The following SUPT16H variants were observed in gnomAD, a reference collection of about 807,000 sequenced individuals.
SUPT16H encodes the protein FACT complex subunit SPT16.
SUPT16H carries 24 observed loss-of-function variants against 136.2 expected under a neutral mutation model. The ratio of observed to expected loss-of-function variants is 0.18; its 90% CI spans 0.13 to 0.25. SUPT16H has a LOEUF of 0.25. Ranked by LOEUF, SUPT16H falls within the 10% of genes least tolerant of loss-of-function variation. The pLI is 1.00. For missense variants in SUPT16H, 623 were observed against 1,270.2 expected (o/e 0.49, Z 7.74); for synonymous variants, 415 against 428.2 (o/e 0.97, Z 0.38).
At chr14:21,355,266 A>G (rs576889149) in intron 22 of SUPT16H, among the ~76,000 whole-genome samples, 58 of 152,214 alleles carry the variant, frequency 3.8e-4, no homozygotes, top group South Asian at 1.0e-3. Flanking sequence ...AGGCCAAGGC[A>G]GGCGGATCAC....
chr14:21,359,478 A>G lies in SUPT16H; in HGVS notation c.2301+6T>C. The G allele has an allele frequency of 6.2e-7, 1 of 1,612,108 alleles. No individual in the cohort carries two copies. The highest frequency in any genetic ancestry group is 8.5e-7 in the Non-Finnish European group (1 of 1,179,636). On this transcript the variant is annotated splice_donor_region_variant and intron_variant, in intron 19 of 25. Coordinates refer to ENST00000216297, the MANE Select transcript of SUPT16H (RefSeq NM_007192.4). The stretch of plus-strand genomic sequence containing the variant: ...TCCTGCAAATACAATACTAAATTTC[A>G]CAAACCTGCTCAGCATAGAGGTCAT...
At chr14:21,355,290 C>G (rs1328192668) in intron 22 of SUPT16H, among the ~76,000 whole-genome samples, 2 of 151,932 alleles carry the variant, frequency 1.3e-5, no homozygotes, top group African/African-American at 2.4e-5. Flanking sequence ...GTCAGGAGAT[C>G]GAGACCATCT....
chr14:21,359,652 A>G (rs1886508930), intron 18 of SUPT16H, 43 bp from the exon 19 acceptor site: 1 of 1,599,102 alleles, frequency 6.3e-7, no homozygotes, highest in Admixed American at 1.7e-5. Context: ...CAGAAACACA[A>G]AGGTATCTGT....
At chr14:21,379,965 G>A (rs1886987063) in intron 1 of SUPT16H, among the ~76,000 whole-genome samples, 1 of 152,164 alleles carries the variant, frequency 6.6e-6, no homozygotes, top group Non-Finnish European at 1.5e-5. Flanking sequence ...AGAGCTGAGT[G>A]TGAGTGGAAG....
At chr14:21,359,207 C>A (rs1263660926) in intron 19 of SUPT16H, among the ~76,000 whole-genome samples, 1 of 152,168 alleles carries the variant, frequency 6.6e-6, no homozygotes, top group Admixed American at 6.5e-5. Flanking sequence ...AAGTGATTAT[C>A]CTGCCTTAGC....
At chr14:21,373,278 G>A (rs1227724158) in intron 2 of SUPT16H, 60 bp downstream of exon 2, 2 of 1,305,768 alleles carry the variant, frequency 1.5e-6, no homozygotes, top group African/African-American at 1.5e-5. Flanking sequence ...CTACCATACT[G>A]AACAGTGCAG....
chr14:21,382,493 G>C lies in SUPT16H; in HGVS notation c.66+1369C>G, dbSNP rs991765859. 3.9e-5 allele frequency among the ~76,000 whole-genome samples: 6 copies of C among 152,290 alleles called. No individual in the cohort carries two copies. In the South Asian group the frequency reaches 6.2e-4, roughly 16 times the overall value. ...GATTAGTTTTCATGAATGGTATAGA[G>C]AGAATGAAATTATTTGATGAATCTG... On this transcript the variant is annotated intron_variant, in intron 1 of 25. Coordinates refer to ENST00000216297, the MANE Select transcript of SUPT16H (RefSeq NM_007192.4).
At chr14:21,362,662 G>C in intron 14 of SUPT16H, 132 bp downstream of exon 14, 1 of 1,041,808 alleles carries the variant, frequency 9.6e-7, no homozygotes, top group Non-Finnish European at 1.4e-6. Flanking sequence ...AGACAAGAGG[G>C]ATGTCAGTAA....
At chr14:21,368,762 T>G (rs965756969) in intron 6 of SUPT16H, among the ~76,000 whole-genome samples, 1 of 152,220 alleles carries the variant, frequency 6.6e-6, no homozygotes, top group African/African-American at 2.4e-5. Flanking sequence ...ACTTATCCAT[T>G]AGTCCTCTAT....
At chr14:21,361,034 T>A (rs374453380) in intron 16 of SUPT16H, 44 bp downstream of exon 16, 1 of 1,610,792 alleles carries the variant, frequency 6.2e-7, no homozygotes, top group South Asian at 1.1e-5. Flanking sequence ...AAAAAATACA[T>A]GTCCTTCTTT....
chr14:21,371,736 C>G, intron 3 of SUPT16H, 138 bp downstream of exon 3: 1 of 943,974 alleles, frequency 1.1e-6, no homozygotes, highest in Middle Eastern at 3.4e-4. Context: ...ACAATGAAGA[C>G]GTGACAGAAC....
At chr14:21,373,555 CTGTT>C in intron 1 of SUPT16H, 125 bp from the exon 2 acceptor site, 1 of 747,236 alleles carries the variant, frequency 1.3e-6, no homozygotes, top group Non-Finnish European at 2.4e-6. Context: ...AGGTACATGC[CTGTT>C]TGGCAGTCTT....
rs1341745159 is a variant in SUPT16H at position 21,357,996 on chromosome 14, G to A, written c.2421C>T (p.Asn807=). The A allele has an allele frequency of 3.7e-6, 6 of 1,613,364 alleles. No homozygotes were observed. Among genetic ancestry groups the A allele is most frequent in the East Asian group, 2.2e-5 (1 of 44,860 alleles). Residue 807 remains asparagine, a synonymous_variant, in exon 21 of 26, where the codon AAC becomes AAT. Transcript: ENST00000216297. The stretch of plus-strand genomic sequence containing the variant: ...GGCAGGTACTCCTATAGGGAGCTCC[G>A]TTAAATCTGGAAGAGACAAACTTTT... ...FEVPFRDLGF[N]GAPYRSTCLL...
rs75576875 is a variant in SUPT16H, at chr14:21,373,365, A to G, written c.132T>C (p.Ile44=). 4,443 of 1,614,086 alleles carry G rather than the reference A, an allele frequency of 2.8e-3. 125 individuals carry two copies. In the African/African-American group the frequency reaches 0.051, roughly 19 times the overall value. The part of the protein sequence containing the change: ...IVVSVGVDEE[I]VYAKSTALQT... Reference sequence around the variant, plus strand: ...GTAAGGCAGTTGATTTGGCATAAACAATTTCTTCATCAACACCCACTGATA... The same window carrying G: ...GTAAGGCAGTTGATTTGGCATAAACGATTTCTTCATCAACACCCACTGATA... The change falls in exon 2 of 26, where the codon ATT becomes ATC. Residue 44 remains isoleucine (I), a synonymous_variant. Coordinates refer to ENST00000216297, the MANE Select transcript of SUPT16H (RefSeq NM_007192.4).
At chr14:21,357,393 C>A in intron 21 of SUPT16H, 27 bp from the exon 22 acceptor site, 1 of 1,531,562 alleles carries the variant, frequency 6.5e-7, no homozygotes, top group Non-Finnish European at 8.8e-7. Context: ...GAATCATTAG[C>A]ATATAAGTAT....
At chr14:21,359,323 G>A (rs1886501985) in intron 19 of SUPT16H, among the ~76,000 whole-genome samples, 161 bp downstream of exon 19, 1 of 150,846 alleles carries the variant, frequency 6.6e-6, no homozygotes, top group Admixed American at 6.6e-5. Flanking sequence ...TCGAACTCCT[G>A]ACCCTCAGGT....
intron 1 of SUPT16H, chr14:21,383,113 TA>T: frequency 6.5e-6 from 1 of 153,528 alleles, no homozygotes; most frequent in East Asian, 1.9e-4. Flanking sequence ...GTTAACATCA[TA>T]AAAATAAGTT....
intron 8 of SUPT16H, among the ~76,000 whole-genome samples, chr14:21,365,454 T>C (rs1212857425): frequency 1.3e-5 from 2 of 152,076 alleles, no homozygotes; most frequent in South Asian, 2.1e-4. Context: ...AGAAACAACA[T>C]AGAGATTATT....
chr14:21,369,642 T>G (rs1886744574), intron 5 of SUPT16H, 108 bp downstream of exon 5: 1 of 1,385,434 alleles, frequency 7.2e-7, no homozygotes, highest in Middle Eastern at 2.6e-4. Context: ...CCAACTTAAG[T>G]GTCAGTCTTA....
Sources: allele counts gnomAD v4.1 joint callset (sites outside exome capture counted in the v4.1 genomes callset), GRCh38; gene constraint gnomAD v4.1.1; transcripts MANE v1.5; gene names NCBI Gene and HGNC (gene_info 2026-07-23, HGNC 2026-07-21).